S100PBP: variants seen among roughly 807,000 people sequenced by gnomAD.
S100PBP encodes S100P-binding protein.
Under a neutral mutation model 39.9 loss-of-function variants are expected in S100PBP, and 15 were observed. That is an observed-to-expected ratio of 0.38 (90% CI 0.25 to 0.58). The LOEUF is 0.58. Among genes scored for constraint, S100PBP ranks in the 20% least tolerant of loss-of-function variants. The pLI is 0.70. For missense variants in S100PBP, 504 were observed against 487.3 expected (o/e 1.03, Z -0.32); for synonymous variants, 178 against 180.3 (o/e 0.99, Z 0.10).
rs552917661 is a variant in S100PBP at position 32,853,190 on chromosome 1, T to A, written c.1112+24T>A. On this transcript the variant is annotated intron_variant, in intron 6 of 6. Transcript: ENST00000373475. ...CGGTGAGTGGGTGATTAGAAGAAGA[T>A]GGAAAAGGGTAGAATGGCTGGGCGC... 75 of 1,563,836 alleles carry A rather than the reference T, an allele frequency of 4.8e-5. 1 individual carries two copies. Among genetic ancestry groups the A allele is most frequent in the African/African-American group, 3.5e-4 (26 of 73,944 alleles).
At chr1:32,836,616 A>G (rs1639830147) in intron 5 of S100PBP, 1 of 974,486 alleles carries the variant, frequency 1.0e-6, no homozygotes, top group Admixed American at 6.2e-5. Flanking sequence ...AGTTTCTTTC[A>G]TTAAATTTTT....
chr1:32,817,629 A>C (rs1638797054), upstream of S100PBP: 5 of 301,014 alleles, frequency 1.7e-5, no homozygotes, highest in South Asian at 4.5e-5. Flanking sequence ...GGGCGATAAA[A>C]TGGCGCAGGG....
chr1:32,831,052 C>A (rs1216545451), intron 5 of S100PBP, among the ~76,000 whole-genome samples: 4 of 146,190 alleles, frequency 2.7e-5, no homozygotes, highest in Non-Finnish European at 5.9e-5. Context: ...CGCACTTTAA[C>A]ATGGGTGACA....
chr1:32,826,143 C>A lies in S100PBP; in HGVS notation c.44C>A (p.Ser15Tyr). ...RVPSEQSSGT[S>Y]LLPKDGAPFS... is the part of the protein sequence containing the mutation. ...CCCTCTGAACAGTCTTCTGGTACCT[C>A]TCTCTTGCCTAAAGACGGTGCCCCA... The change falls in exon 3 of 7, where the codon TCT (serine) becomes TAT (tyrosine). Residue 15 changes from serine to tyrosine, a missense_variant. Ser to Tyr is a moderately radical substitution (Grantham distance 144, BLOSUM62 -2). Coordinates refer to ENST00000373475, the MANE Select transcript of S100PBP (RefSeq NM_022753.4). 1.2e-6 allele frequency: 2 copies of A among 1,614,002 alleles called. No individual in the cohort carries two copies. Among genetic ancestry groups the A allele is most frequent in the Non-Finnish European group, 1.7e-6 (2 of 1,179,930 alleles).
chr1:32,816,931 G>C (rs538719149), upstream of S100PBP: 15 of 596,032 alleles, frequency 2.5e-5, no homozygotes, highest in East Asian at 3.9e-4. Flanking sequence ...GGGTGGAATG[G>C]GAGTCCTGGA....
At chr1:32,829,630 T>G (rs1379075367) in intron 4 of S100PBP, among the ~76,000 whole-genome samples, 1 of 152,112 alleles carries the variant, frequency 6.6e-6, no homozygotes, top group East Asian at 1.9e-4. Flanking sequence ...GTCCAGCTAA[T>G]TTTTTAAAAA....
chr1:32,824,822 C>CTATATATATATATATATATATA (rs1639250006), intron 1 of S100PBP: 1 of 19,538 alleles, frequency 5.1e-5, no homozygotes, highest in African/African-American at 1.3e-4. Flanking sequence ...TGCATTTTTT[C>CTATATATATATATATATATATA]TATACATATA....
chr1:32,853,501 G>GT (rs1491326937), intron 6 of S100PBP, among the ~76,000 whole-genome samples: 1 of 151,210 alleles, frequency 6.6e-6, no homozygotes, highest in African/African-American at 2.4e-5. Flanking sequence ...GGTGGGGGGG[G>GT]GGCGCGTGAA....
chr1:32,817,571 C>A (rs1424004428), upstream of S100PBP: 2 of 507,880 alleles, frequency 3.9e-6, no homozygotes, highest in Non-Finnish European at 7.2e-6. Context: ...GGTTTGCCCT[C>A]CCCCTGGTGT....
chr1:32,853,517 G>A (rs1480667413), intron 6 of S100PBP, among the ~76,000 whole-genome samples: 6 of 149,960 alleles, frequency 4.0e-5, no homozygotes, highest in Admixed American at 6.7e-5. Flanking sequence ...GTGAAATTTG[G>A]CTGCAGGAGG....
chr1:32,817,571 C>G (rs1424004428), upstream of S100PBP: 1 of 507,996 alleles, frequency 2.0e-6, no homozygotes, highest in Non-Finnish European at 3.6e-6. Flanking sequence ...GGTTTGCCCT[C>G]CCCCTGGTGT....
chr1:32,841,851 C>T (rs1447542107), intron 5 of S100PBP, among the ~76,000 whole-genome samples: 1 of 150,440 alleles, frequency 6.6e-6, no homozygotes, highest in African/African-American at 2.4e-5. Flanking sequence ...GGTTTTATAG[C>T]TTTAGGGATT....
intron 5 of S100PBP, among the ~76,000 whole-genome samples, chr1:32,850,971 C>T (rs549402669): frequency 2.6e-5 from 4 of 152,336 alleles, no homozygotes; most frequent in African/African-American, 4.8e-5. Flanking sequence ...ACTGCACACA[C>T]GCTGTGTGCC....
chr1:32,853,339 T>C (rs1007229290), intron 6 of S100PBP, among the ~76,000 whole-genome samples, 173 bp downstream of exon 6: 2 of 151,440 alleles, frequency 1.3e-5, no homozygotes, highest in Non-Finnish European at 2.9e-5. Context: ...CTGGGTGTGG[T>C]GGCAAGCATC....
At chr1:32,821,640 C>CT (rs113824192) in intron 1 of S100PBP, among the ~76,000 whole-genome samples, 22,467 of 132,670 alleles carry the variant, frequency 0.17, 2,271 homozygotes, top group African/African-American at 0.3. Flanking sequence ...TTCTTTCTTT[C>CT]TTTTTTTTTT....
chr1:32,826,549 A>G lies in S100PBP; in HGVS notation c.450A>G (p.Pro150=), dbSNP rs200473323. 1 of 1,613,952 alleles carries G rather than the reference A, an allele frequency of 6.2e-7. No individual in the cohort carries two copies. Among genetic ancestry groups the G allele is most frequent in the South Asian group, 1.1e-5 (1 of 91,088 alleles). The change falls in exon 3 of 7, where the codon CCA becomes CCG. Residue 150 remains proline, a synonymous_variant. Transcript: ENST00000373475. Reference sequence around the variant, plus strand: ...ATCTTATAAAAGTAACTGTTGCACCATTTAATCCAACAGTTTGTGATGCTC... The same window carrying G: ...ATCTTATAAAAGTAACTGTTGCACCGTTTAATCCAACAGTTTGTGATGCTC... ...EKNLIKVTVA[P]FNPTVCDALL...
intron 5 of S100PBP, among the ~76,000 whole-genome samples, chr1:32,840,338 G>A (rs1640028001): frequency 6.6e-6 from 1 of 151,258 alleles, no homozygotes; most frequent in South Asian, 2.1e-4. Flanking sequence ...ACCGCACCTG[G>A]CCCCCTATTT....
chr1:32,848,007 C>T (rs756629302), intron 5 of S100PBP, among the ~76,000 whole-genome samples: 12 of 152,204 alleles, frequency 7.9e-5, no homozygotes, highest in Non-Finnish European at 1.3e-4. Flanking sequence ...CTACACGCTC[C>T]GTCAGAAATG....
rs1640803062 is a variant in S100PBP at position 32,855,949 on chromosome 1, C to T, written c.1138C>T (p.Leu380=). The change falls in exon 7 of 7, where the codon CTG becomes TTG. Residue 380 remains leucine, a synonymous_variant. Transcript: ENST00000373475. Reference sequence around the variant, plus strand: ...AAACTACGCCCGCCGACAGAAACATCTGCAAAGATACAGTCTGACTCAGTG... The same window carrying T: ...AAACTACGCCCGCCGACAGAAACATTTGCAAAGATACAGTCTGACTCAGTG... ...TRNYARRQKH[L]QRYSLTQWVD... The T allele has an allele frequency of 6.2e-7, 1 of 1,613,440 alleles. No homozygotes were observed. Among genetic ancestry groups the T allele is most frequent in the African/African-American group, 1.3e-5 (1 of 74,910 alleles).
Sources: allele counts gnomAD v4.1 joint callset (sites outside exome capture counted in the v4.1 genomes callset), GRCh38; gene constraint gnomAD v4.1.1; transcripts MANE v1.5; gene names NCBI Gene and HGNC (gene_info 2026-07-23, HGNC 2026-07-21).